XIRP2: variants seen among roughly 807,000 people sequenced by gnomAD.
XIRP2 encodes xin actin binding repeat containing 2, also known as xin actin-binding repeat-containing protein 2.
In XIRP2, 236 loss-of-function variants were observed where a neutral mutation model predicts 277.0. That is an observed-to-expected ratio of 0.85 (90% CI 0.77 to 0.95). The LOEUF (loss-of-function observed/expected upper bound fraction) is 0.95. Among genes scored for constraint, XIRP2 ranks in the 40% least tolerant of loss-of-function variants. The pLI, the probability that XIRP2 is intolerant of heterozygous loss-of-function variation, is 0.00. For synonymous variants in XIRP2, 1,490 were observed against 1,416.5 expected, an observed-to-expected ratio of 1.05 and a Z score of -1.17; for missense variants, 4,640 against 4,157.5, an observed-to-expected ratio of 1.12 and a Z score of -3.19.
intron 3 of XIRP2, among the ~76,000 whole-genome samples, chr2:167,145,357 T>A (rs1034323198): frequency 3.3e-5 from 5 of 151,936 alleles, no homozygotes; most frequent in Non-Finnish European, 5.9e-5. Context: ...CATGAAAGAG[T>A]GCAATTAGCA....
chr2:167,216,283 G>A (rs1694246078), intron 4 of XIRP2, among the ~76,000 whole-genome samples: 2 of 17,298 alleles, frequency 1.2e-4, no homozygotes, highest in Middle Eastern at 0.011. Context: ...TTGACAAATG[G>A]GATCTAATTA....
At chr2:167,172,927 T>C (rs552030010) in intron 3 of XIRP2, among the ~76,000 whole-genome samples, 4 of 152,300 alleles carry the variant, frequency 2.6e-5, no homozygotes, top group African/African-American at 9.6e-5. Flanking sequence ...CCATGAAATC[T>C]TCACAATTTA....
intron 2 of XIRP2, among the ~76,000 whole-genome samples, chr2:167,096,692 A>C (rs1010133175): frequency 6.6e-6 from 1 of 152,128 alleles, no homozygotes; most frequent in African/African-American, 2.4e-5. Flanking sequence ...ATTTATATAA[A>C]TTTCCCTCTA....
chr2:167,092,035 A>T (rs899752540), intron 2 of XIRP2, among the ~76,000 whole-genome samples: 5 of 152,188 alleles, frequency 3.3e-5, no homozygotes, highest in Non-Finnish European at 5.9e-5. Context: ...GAAGGGAACC[A>T]AGAGTTCAGC....
chr2:167,015,463 AT>A (rs1414589991), intron 2 of XIRP2, among the ~76,000 whole-genome samples: 5 of 121,682 alleles, frequency 4.1e-5, no homozygotes, highest in Non-Finnish European at 5.3e-5. Flanking sequence ...TCTATCTATC[AT>A]ATTAAACTCA....
chr2:166,898,494 A>G (rs1210909872), intron 1 of XIRP2, among the ~76,000 whole-genome samples: 2 of 152,160 alleles, frequency 1.3e-5, no homozygotes, highest in East Asian at 1.9e-4. Context: ...TTTAGTTTTT[A>G]ACATTTTATT....
intron 2 of XIRP2, among the ~76,000 whole-genome samples, chr2:166,939,220 T>C (rs1231787190): frequency 6.6e-6 from 1 of 152,206 alleles, no homozygotes; most frequent in East Asian, 1.9e-4. Context: ...GTTTTTGCAG[T>C]GGCTGGTACT....
At chr2:167,230,892 C>T (rs898043544) in intron 5 of XIRP2, among the ~76,000 whole-genome samples, 9 of 152,024 alleles carry the variant, frequency 5.9e-5, no homozygotes, top group African/African-American at 2.2e-4. Flanking sequence ...TTAGTTAAGA[C>T]TTATTTACGT....
chr2:167,093,565 G>A (rs1250495517), intron 2 of XIRP2, among the ~76,000 whole-genome samples: 1 of 152,056 alleles, frequency 6.6e-6, no homozygotes, highest in African/African-American at 2.4e-5. Flanking sequence ...AGAACATGTG[G>A]TGTTTGGTTT....
In XIRP2 at chr2:167,244,021, C is replaced by A; in HGVS notation, c.2629C>A (p.His877Asn). Residue 877 changes from histidine to asparagine, a missense_variant, in exon 9 of 11, where the codon CAT becomes AAT. His to Asn is a moderately conservative substitution (Grantham distance 68). Transcript: ENST00000409195. ...AGGTGGTGATGTACAAACTACTAAG[C>A]ATCTATTTGAAACACTTCCAATTGA... is the stretch of plus-strand genomic sequence containing the variant. ...IIGGDVQTTK[H>N]LFETLPIEAL... 6.2e-7 allele frequency: 1 copy of A among 1,613,916 alleles called. No homozygotes were observed. Among genetic ancestry groups the A allele is most frequent in the Admixed American group, 1.7e-5 (1 of 59,996 alleles).
chr2:166,937,843 A>G (rs1685564547), intron 2 of XIRP2, among the ~76,000 whole-genome samples: 1 of 152,128 alleles, frequency 6.6e-6, no homozygotes, highest in Non-Finnish European at 1.5e-5. Flanking sequence ...TGTGTTGAGG[A>G]ATTTATCCAT....
At chr2:167,256,537 A>G (rs546739342) in intron 10 of XIRP2, among the ~76,000 whole-genome samples, 1 of 151,684 alleles carries the variant, frequency 6.6e-6, no homozygotes, top group African/African-American at 2.4e-5. Context: ...CTTTTAATTC[A>G]TTTTGAAGTC....
chr2:167,048,067 T>C (rs1688829714), intron 2 of XIRP2, among the ~76,000 whole-genome samples: 1 of 152,038 alleles, frequency 6.6e-6, no homozygotes, highest in Non-Finnish European at 1.5e-5. Context: ...TACCATCACA[T>C]TGGGAATTAG....
chr2:166,999,633 A>G (rs1687312562), intron 2 of XIRP2, among the ~76,000 whole-genome samples: 1 of 152,126 alleles, frequency 6.6e-6, no homozygotes, highest in African/African-American at 2.4e-5. Context: ...ATTTTACACC[A>G]TGTCTTAGAA....
intron 2 of XIRP2, among the ~76,000 whole-genome samples, chr2:167,114,111 T>A (rs1254153130): frequency 6.6e-6 from 1 of 152,174 alleles, no homozygotes; most frequent in Admixed American, 6.5e-5. Context: ...GCCTGGGGAA[T>A]GGTTTTCTTC....
In XIRP2 at chr2:167,247,247, T is replaced by C. The variant is rs139638256; in HGVS notation, c.5855T>C (p.Val1952Ala). ...EGVIKKDAKA[V>A]MAGSSGEQKT... ...GTAATAAAAAAAGATGCTAAAGCTGTGATGGCAGGATCCTCGGGAGAGCAG... is the reference window on the plus strand; with the variant it reads ...GTAATAAAAAAAGATGCTAAAGCTGCGATGGCAGGATCCTCGGGAGAGCAG... The change falls in exon 9 of 11, where the codon GTG becomes GCG. Residue 1952 changes from valine (V) to alanine (A), a missense_variant. Val to Ala is a moderately conservative substitution (Grantham distance 64, BLOSUM62 0). Coordinates refer to ENST00000409195, the MANE Select transcript of XIRP2 (RefSeq NM_152381.6). 27 of 1,613,700 alleles carry C rather than the reference T, an allele frequency of 1.7e-5. No individual in the cohort carries two copies. In the African/African-American group the frequency reaches 3.1e-4, roughly 18 times the overall value.
intron 3 of XIRP2, among the ~76,000 whole-genome samples, chr2:167,175,169 T>G (rs1049267370): frequency 6.6e-6 from 1 of 152,156 alleles, no homozygotes; most frequent in Non-Finnish European, 1.5e-5. Context: ...CTGTCTACTA[T>G]TGACAGTGGG....
At chr2:167,009,892 A>T (rs535673550) in intron 2 of XIRP2, among the ~76,000 whole-genome samples, 1 of 151,442 alleles carries the variant, frequency 6.6e-6, no homozygotes, top group Non-Finnish European at 1.5e-5. Context: ...CATTTCCTTC[A>T]CCCACTTTTT....
At chr2:167,043,141 CA>C (rs1688704505) in intron 2 of XIRP2, among the ~76,000 whole-genome samples, 1 of 151,990 alleles carries the variant, frequency 6.6e-6, no homozygotes. Context: ...CCTATGAAAA[CA>C]AAGGTATAAT....
Sources: gnomAD v4.1 joint callset for allele counts (sites outside exome capture counted in the v4.1 genomes callset) on GRCh38, gnomAD v4.1.1 for gene constraint, MANE v1.5 for transcripts, NCBI Gene and HGNC (gene_info 2026-07-23, HGNC 2026-07-21) for gene names.